Variants in AIFM1 observed in about 807,000 individuals in gnomAD.
AIFM1 encodes apoptosis inducing factor mitochondria associated 1, also known as apoptosis-inducing factor 1, mitochondrial.
A neutral mutation model predicts 51.7 loss-of-function variants in AIFM1; 3 were observed. The ratio of observed to expected loss-of-function variants is 0.06; its 90% confidence interval spans 0.03 to 0.15. The LOEUF is 0.15. Ranked by LOEUF, AIFM1 falls within the 10% of genes least tolerant of loss-of-function variation. AIFM1 has a pLI of 1.00. For synonymous variants in AIFM1, 178 were observed against 179.4 expected, an observed-to-expected ratio of 0.99 and a Z score of 0.06; for missense variants, 330 against 476.8, an observed-to-expected ratio of 0.69 and a Z score of 2.87.
intron 1 of AIFM1, among the ~76,000 whole-genome samples, chrX:130,160,793 A>G (rs1385089029): frequency 9.0e-6 from 1 of 110,524 alleles, no homozygotes; most frequent in Non-Finnish European, 1.9e-5. Context: ...CTGTAATCCC[A>G]GCACCTTGGG....
chrX:130,165,484 G>T, intron 1 of AIFM1, 67 bp downstream of exon 1: 1 of 951,881 alleles, frequency 1.1e-6, no homozygotes, highest in African/African-American at 1.9e-5. Context: ...GTAGAGGGCT[G>T]CAAGGCACAG....
At chrX:130,163,020 A>T (rs959476556) in intron 1 of AIFM1, among the ~76,000 whole-genome samples, 3 of 111,791 alleles carry the variant, frequency 2.7e-5, no homozygotes, top group Non-Finnish European at 3.8e-5. Flanking sequence ...GACAATGGTG[A>T]CAGATGTCAA....
intron 1 of AIFM1, 58 bp from the exon 2 acceptor site, chrX:130,156,661 TTTATGA>T: frequency 8.8e-7 from 1 of 1,139,411 alleles, no homozygotes; most frequent in Non-Finnish European, 1.2e-6. Context: ...TTAATACATA[TTTATGA>T]TTAAATGTCA....
chrX:130,140,640 CA>C (rs1414080872), intron 6 of AIFM1, 23 bp from the exon 7 acceptor site: 1 of 1,120,629 alleles, frequency 8.9e-7, no homozygotes, highest in African/African-American at 1.8e-5. Context: ...CACACATACA[CA>C]AAAGAGGTAG....
intron 2 of AIFM1, among the ~76,000 whole-genome samples, chrX:130,153,805 C>G (rs1170355494): frequency 9.0e-6 from 1 of 111,728 alleles, no homozygotes; most frequent in Admixed American, 9.5e-5. Context: ...GAAACTGAAC[C>G]CTGTGTGACC....
intron 6 of AIFM1, among the ~76,000 whole-genome samples, chrX:130,142,615 C>T (rs764342471): frequency 9.0e-6 from 1 of 110,756 alleles, no homozygotes; most frequent in South Asian, 3.9e-4. Flanking sequence ...AGTGCTTTAC[C>T]CTCTTTTCTA....
chrX:130,149,603 C>T, intron 2 of AIFM1, 35 bp from the exon 3 acceptor site: 2 of 983,342 alleles, frequency 2.0e-6, no homozygotes, highest in South Asian at 3.8e-5. Flanking sequence ...TTTATTTCAC[C>T]ATACAGCTAG....
chrX:130,163,846 C>A (rs1190705500), intron 1 of AIFM1, among the ~76,000 whole-genome samples: 2 of 111,087 alleles, frequency 1.8e-5, no homozygotes, highest in African/African-American at 6.5e-5. Context: ...GTTTGAAAGG[C>A]CAGTGTGGAT....
chrX:130,149,036 C>T (rs1398683619), intron 3 of AIFM1, among the ~76,000 whole-genome samples: 1 of 104,579 alleles, frequency 9.6e-6, no homozygotes, highest in Non-Finnish European at 2.0e-5. Context: ...ATTCTCATGC[C>T]TCAGCCTCCC....
At chrX:130,133,753 A>T (rs957641267) in intron 12 of AIFM1, among the ~76,000 whole-genome samples, 2 of 109,138 alleles carry the variant, frequency 1.8e-5, no homozygotes, top group Admixed American at 9.8e-5. Context: ...TCAGCCTCCC[A>T]AGTAGCTGGG....
chrX:130,160,402 C>T (rs1224013926), intron 1 of AIFM1, among the ~76,000 whole-genome samples: 3 of 111,805 alleles, frequency 2.7e-5, no homozygotes, highest in African/African-American at 6.5e-5. Context: ...GCAGTCAGAC[C>T]ACACATACAA....
chrX:130,138,797 A>C, intron 8 of AIFM1, 96 bp from the exon 9 acceptor site: 2 of 592,257 alleles, frequency 3.4e-6, no homozygotes, highest in Non-Finnish European at 5.8e-6. Context: ...GGCAAAAGTA[A>C]ATTTTCTCCT....
At position 130,162,906 on chromosome X, in the gene AIFM1, T is replaced by C. The variant is rs2031397349; in HGVS notation, c.106+2645A>G. ...AGTGATGACTATGAGTTACCTTCAA[T>C]CATCTCTGGAAGGAGGCAGAGCATC... On this transcript the variant is annotated intron_variant, in intron 1 of 15. Coordinates refer to ENST00000287295, the MANE Select transcript of AIFM1 (RefSeq NM_004208.4). Among the ~76,000 whole-genome samples, 8 of 111,829 alleles carry C rather than the reference T, an allele frequency of 7.2e-5. No individual in the cohort carries two copies. The Admixed American group carries it at 7.6e-4, about 11-fold the overall frequency.
At chrX:130,131,644 C>A (rs762199583) in intron 14 of AIFM1, 31 bp downstream of exon 14, 56 of 1,209,620 alleles carry the variant, frequency 4.6e-5, no homozygotes, top group Non-Finnish European at 6.3e-5. Context: ...CTTCTCAACA[C>A]TCTCCAAGAG....
At chrX:130,133,488 AT>A (rs373439941) in intron 12 of AIFM1, 33 bp from the exon 13 acceptor site, 2 of 1,194,767 alleles carry the variant, frequency 1.7e-6, no homozygotes. Flanking sequence ...TGAACACATG[AT>A]AAAAAAAAAA....
chrX:130,131,153 A>C, intron 14 of AIFM1, among the ~76,000 whole-genome samples: 1 of 111,307 alleles, frequency 9.0e-6, no homozygotes, highest in Non-Finnish European at 1.9e-5. Flanking sequence ...CCTCCCATCT[A>C]AAGAAAACCT....
chrX:130,129,907 G>A, intron 15 of AIFM1, 63 bp downstream of exon 15: 1 of 1,177,270 alleles, frequency 8.5e-7, no homozygotes, highest in Non-Finnish European at 1.2e-6. Flanking sequence ...ACCCGATGAA[G>A]TTACAGGAAT....
intron 7 of AIFM1, 91 bp downstream of exon 7, chrX:130,140,442 C>T (rs2030534982): frequency 1.3e-6 from 1 of 781,880 alleles, no homozygotes; most frequent in African/African-American, 2.0e-5. Flanking sequence ...TTTCCATTTT[C>T]TTAAGTAGTA....
At chrX:130,150,977 C>CAAAAAAA (rs759870161) in intron 2 of AIFM1, among the ~76,000 whole-genome samples, 5 of 27,797 alleles carry the variant, frequency 1.8e-4, no homozygotes, top group African/African-American at 7.1e-4. Context: ...GACTCTGTCT[C>CAAAAAAA]AAAAAAAAAA....
Sources: allele counts gnomAD v4.1 joint callset (sites outside exome capture counted in the v4.1 genomes callset), GRCh38; gene constraint gnomAD v4.1.1; transcripts MANE v1.5; gene names NCBI Gene and HGNC (gene_info 2026-07-23, HGNC 2026-07-21).